The following BIVM variants were observed in gnomAD, a reference collection of about 807,000 sequenced individuals.
BIVM encodes the protein basic immunoglobulin-like variable motif-containing protein.
BIVM carries 31 observed loss-of-function variants against 61.4 expected under a neutral mutation model. That is an observed-to-expected ratio of 0.51 (90% confidence interval 0.38 to 0.68). BIVM has a LOEUF of 0.68. Among genes scored for constraint, BIVM ranks in the 30% least tolerant of loss-of-function variants. The pLI, the probability that BIVM is intolerant of heterozygous loss-of-function variation, is 0.00. For missense variants in BIVM, 526 were observed against 596.0 expected (o/e 0.88, Z 1.22); for synonymous variants, 189 against 210.7 (o/e 0.90, Z 0.89).
chr13:102,831,659 C>T lies in BIVM; in HGVS notation c.996C>T (p.Gly332=). 1 of 1,614,094 alleles carries T rather than the reference C, an allele frequency of 6.2e-7. No homozygotes were observed. ...AAAATCATTATTTTTGTCCAATTGG[C>T]TTCGAAGCAACCCCTGTTAAAGCTA... is the stretch of plus-strand genomic sequence containing the variant. The part of the protein sequence containing the change: ...HCQNHYFCPI[G]FEATPVKANK... The change falls in exon 8 of 11, where the codon GGC becomes GGT. Residue 332 remains glycine, a synonymous_variant. Coordinates refer to ENST00000257336, the MANE Select transcript of BIVM (RefSeq NM_017693.4).
At chr13:102,832,682 G>A (rs1295207926) in intron 8 of BIVM, among the ~76,000 whole-genome samples, 1 of 152,182 alleles carries the variant, frequency 6.6e-6, no homozygotes, top group African/African-American at 2.4e-5. Flanking sequence ...TATGGAATTT[G>A]TCTGGGTTCC....
intron 8 of BIVM, among the ~76,000 whole-genome samples, chr13:102,832,600 C>T (rs967350504): frequency 6.6e-6 from 1 of 152,212 alleles, no homozygotes; most frequent in African/African-American, 2.4e-5. Flanking sequence ...CAATATATTA[C>T]AGAATCTAGT....
chr13:102,816,447 TTCC>T lies in BIVM; in HGVS notation c.499_501del (p.Ser167del). 1 of 1,582,884 alleles carries T rather than the reference TTCC, an allele frequency of 6.3e-7. No individual in the cohort carries two copies. The highest frequency in any genetic ancestry group is 8.6e-7 in the Non-Finnish European group (1 of 1,168,874). On this transcript the variant is annotated inframe_deletion, in exon 4 of 11. Transcript: ENST00000257336. ...TTCTAGGCAATGCAAAGAAACAAGTTTCCAAGAGAAAAACTTCAGATAAAAAGG... is the reference window on the plus strand; with the variant it reads ...TTCTAGGCAATGCAAAGAAACAAGTTAAGAGAAAAACTTCAGATAAAAAGG...
At chr13:102,816,662 A>G (rs1054905514) in intron 4 of BIVM, 108 bp downstream of exon 4, 35 of 1,009,512 alleles carry the variant, frequency 3.5e-5, no homozygotes, top group Admixed American at 4.0e-5. Flanking sequence ...AAATATTTTT[A>G]TTTCTAAAAT....
In BIVM at chr13:102,802,485, AT is replaced by A. The variant is rs1028999501; in HGVS notation, c.-206-2815del. Among the ~76,000 whole-genome samples the A allele has an allele frequency of 2.6e-5, 4 of 152,202 alleles. No individual in the cohort carries two copies. The East Asian group carries it at 5.8e-4, about 22-fold the overall frequency. ...CCTGTAATATCTTTTGGTACTTTGC[AT>A]TTTTTTGTAATGTTTTACTTATAAA... On this transcript the variant is annotated intron_variant, in intron 1 of 10. Coordinates refer to ENST00000257336, the MANE Select transcript of BIVM (RefSeq NM_017693.4).
intron 7 of BIVM, among the ~76,000 whole-genome samples, chr13:102,828,724 A>G (rs1880847697): frequency 3.7e-5 from 1 of 26,952 alleles, no homozygotes; most frequent in Admixed American, 7.9e-4. Flanking sequence ...TCCATGTACC[A>G]GTTGTATTTA....
intron 1 of BIVM, among the ~76,000 whole-genome samples, chr13:102,801,158 G>A (rs1878732637): frequency 6.6e-6 from 1 of 152,030 alleles, no homozygotes; most frequent in Non-Finnish European, 1.5e-5. Flanking sequence ...TTGCATACGA[G>A]CAAACCATAT....
chr13:102,839,406 G>T, intron 10 of BIVM, 166 bp from the exon 11 acceptor site: 1 of 932,426 alleles, frequency 1.1e-6, no homozygotes, highest in Non-Finnish European at 1.6e-6. Context: ...TGTAAAGGCA[G>T]CTGTTAGAAA....
chr13:102,820,192 A>T (rs888298575), intron 4 of BIVM, among the ~76,000 whole-genome samples: 10 of 152,000 alleles, frequency 6.6e-5, no homozygotes, highest in African/African-American at 9.7e-5. Context: ...TCTCTACTAA[A>T]AATACAAAAA....
chr13:102,836,305 T>A (rs150415274), intron 9 of BIVM, among the ~76,000 whole-genome samples: 289 of 152,292 alleles, frequency 1.9e-3, no homozygotes, highest in Admixed American at 3.9e-3. Context: ...ATGTTTAGAT[T>A]TCTGATCCCT....
intron 5 of BIVM, among the ~76,000 whole-genome samples, 157 bp from the exon 6 acceptor site, chr13:102,821,586 A>G (rs1880288637): frequency 6.6e-6 from 1 of 152,202 alleles, no homozygotes; most frequent in African/African-American, 2.4e-5. Flanking sequence ...TGGGCCACAG[A>G]GTGAGAACCT....
intron 3 of BIVM, among the ~76,000 whole-genome samples, chr13:102,809,772 C>CCTTTT (rs200157357): frequency 0.048 from 6,899 of 145,190 alleles, 202 homozygotes; most frequent in East Asian, 0.099. Context: ...AAATCTCTTT[C>CCTTTT]CTTTTCTTTT....
In BIVM at chr13:102,807,620, A is replaced by G. The variant is rs1566444864; in HGVS notation, c.353A>G (p.Glu118Gly). ...ATTGGTATCCCGACTAGTACATCGG[A>G]AATTATCTACAATGAAGAAAATAGC... ...RYIGIPTSTS[E>G]IIYNEENSLE... The change falls in exon 3 of 11, where the codon GAA (glutamate) becomes GGA (glycine). Residue 118 changes from glutamate to glycine, a missense_variant. Glu to Gly is a moderately conservative substitution (Grantham distance 98). Transcript: ENST00000257336. The surrounding 1 kb of genome is among the most constrained non-coding windows in gnomAD (Gnocchi z 4.0). The G allele has an allele frequency of 2.5e-6, 4 of 1,614,220 alleles. No individual in the cohort carries two copies. The highest frequency in any genetic ancestry group is 3.4e-6 in the Non-Finnish European group (4 of 1,180,042).
chr13:102,825,162 G>A (rs879575404), intron 7 of BIVM, among the ~76,000 whole-genome samples: 5 of 152,170 alleles, frequency 3.3e-5, no homozygotes, highest in Admixed American at 3.3e-4. Flanking sequence ...AGCCAGGATG[G>A]TCTCGATCTC....
At chr13:102,825,135 T>G (rs9518849) in intron 7 of BIVM, among the ~76,000 whole-genome samples, 1 of 151,802 alleles carries the variant, frequency 6.6e-6, no homozygotes, top group Non-Finnish European at 1.5e-5. Flanking sequence ...TTAGTAGAGA[T>G]GGGGTTTCAC....
intron 5 of BIVM, 131 bp downstream of exon 5, chr13:102,821,263 C>G: frequency 1.3e-6 from 1 of 775,622 alleles, no homozygotes; most frequent in Non-Finnish European, 2.0e-6. Flanking sequence ...TAGTGTAAGT[C>G]TTTTAGCTTA....
At chr13:102,823,616 G>A (rs772872223) in intron 7 of BIVM, among the ~76,000 whole-genome samples, 1 of 152,118 alleles carries the variant, frequency 6.6e-6, no homozygotes, top group Admixed American at 6.5e-5. Context: ...TTTCTAGTGA[G>A]ACTGTCACCA....
intron 4 of BIVM, 44 bp downstream of exon 4, chr13:102,816,598 A>C: frequency 6.8e-7 from 1 of 1,460,692 alleles, no homozygotes; most frequent in Non-Finnish European, 9.0e-7. Context: ...GAAATATGTA[A>C]TATATGTTGG....
At chr13:102,808,805 C>T (rs575013533) in intron 3 of BIVM, among the ~76,000 whole-genome samples, 11 of 152,026 alleles carry the variant, frequency 7.2e-5, no homozygotes, top group African/African-American at 2.2e-4. Context: ...TTAATTTGTC[C>T]ATGTCATTTA....
Sources: allele counts gnomAD v4.1 joint callset (sites outside exome capture counted in the v4.1 genomes callset), GRCh38; gene constraint gnomAD v4.1.1; non-coding constraint Gnocchi (gnomAD v3.1); transcripts MANE v1.5; gene names NCBI Gene and HGNC (gene_info 2026-07-23, HGNC 2026-07-21).